NXPE2: variants seen among roughly 807,000 people sequenced by gnomAD.
NXPE2 encodes neurexophilin and PC-esterase domain family member 2.
In NXPE2, 34 loss-of-function variants were observed where a neutral mutation model predicts 34.4. That is an observed-to-expected ratio of 0.99 (90% confidence interval 0.75 to 1.31). The LOEUF (loss-of-function observed/expected upper bound fraction) is 1.31. Among genes scored for constraint, NXPE2 ranks in the 40% most tolerant of loss-of-function variants. The pLI is 0.00. For synonymous variants in NXPE2, 235 were observed against 231.3 expected (o/e 1.02, Z -0.15); for missense variants, 649 against 672.5 (o/e 0.97, Z 0.39).
the NXPE2 span, among the ~76,000 whole-genome samples, chr11:114,813,120 C>T: frequency 2.4e-3 from 362 of 152,290 alleles, no homozygotes; most frequent in African/African-American, 8.4e-3. Flanking sequence ...TTGCTGCACT[C>T]ATCACAGGAA....
At chr11:114,760,307 C>A in the NXPE2 span, among the ~76,000 whole-genome samples, 2 of 152,178 alleles carry the variant, frequency 1.3e-5, no homozygotes, top group Non-Finnish European at 2.9e-5. Context: ...CTATGAGGAA[C>A]AGGCCTTCAC....
the NXPE2 span, among the ~76,000 whole-genome samples, chr11:114,635,086 C>A: frequency 6.6e-6 from 1 of 151,704 alleles, no homozygotes; most frequent in Admixed American, 6.6e-5. Context: ...TTGATTCTTC[C>A]TACCCATGAG....
At chr11:114,560,648 C>T in the NXPE2 span, among the ~76,000 whole-genome samples, 1 of 152,124 alleles carries the variant, frequency 6.6e-6, no homozygotes, top group Non-Finnish European at 1.5e-5. Context: ...GGATATGGTT[C>T]ATTAACTCGT....
chr11:114,650,549 C>T, the NXPE2 span, among the ~76,000 whole-genome samples: 3 of 152,102 alleles, frequency 2.0e-5, no homozygotes, highest in Non-Finnish European at 4.4e-5. Flanking sequence ...AGGGCAAGTA[C>T]TGTTCTCCTT....
At chr11:114,513,124 A>T in the NXPE2 span, 1 of 550,124 alleles carries the variant, frequency 1.8e-6, no homozygotes, top group Admixed American at 1.9e-5. Context: ...TCAGGGCTGG[A>T]GAGGACATCC....
intron 2 of NXPE2, among the ~76,000 whole-genome samples, chr11:114,690,049 CTA>C (rs1329187922): frequency 6.6e-6 from 1 of 152,050 alleles, no homozygotes; most frequent in Non-Finnish European, 1.5e-5. Context: ...GTTTGCCACT[CTA>C]TGTCTTTTAA....
At chr11:114,684,223 C>T (rs900824438) in intron 2 of NXPE2, among the ~76,000 whole-genome samples, 13 of 151,986 alleles carry the variant, frequency 8.6e-5, no homozygotes, top group Non-Finnish European at 1.8e-4. Flanking sequence ...GTCAGGAGAT[C>T]GAGACCATCC....
At chr11:114,650,605 A>T in the NXPE2 span, among the ~76,000 whole-genome samples, 1 of 152,162 alleles carries the variant, frequency 6.6e-6, no homozygotes, top group Non-Finnish European at 1.5e-5. Flanking sequence ...GAGGAGGTGG[A>T]AGAATAAGAC....
chr11:114,531,769 C>A, the NXPE2 span, among the ~76,000 whole-genome samples: 4 of 152,150 alleles, frequency 2.6e-5, no homozygotes, highest in Admixed American at 2.6e-4. Flanking sequence ...CCTGAATTCC[C>A]CCAAACCACC....
the NXPE2 span, among the ~76,000 whole-genome samples, chr11:114,558,059 A>T: frequency 6.6e-6 from 1 of 151,990 alleles, no homozygotes. Context: ...TTGCTCTCTG[A>T]CGCTTAACAG....
At chr11:114,490,451 A>G in the NXPE2 span, among the ~76,000 whole-genome samples, 2 of 152,234 alleles carry the variant, frequency 1.3e-5, no homozygotes, top group African/African-American at 4.8e-5. Context: ...ACTTAAAGCT[A>G]TACTACAAGG....
chr11:114,466,358 T>C, the NXPE2 span, among the ~76,000 whole-genome samples: 101 of 152,318 alleles, frequency 6.6e-4, no homozygotes, highest in Admixed American at 1.4e-3. Context: ...ATAATGATAT[T>C]ACAGAATAGA....
At chr11:114,553,128 C>T in the NXPE2 span, among the ~76,000 whole-genome samples, 1 of 152,174 alleles carries the variant, frequency 6.6e-6, no homozygotes, top group African/African-American at 2.4e-5. Flanking sequence ...TGGGTTTGAG[C>T]TTTAATGCCA....
At chr11:114,488,929 T>A in the NXPE2 span, among the ~76,000 whole-genome samples, 1 of 152,064 alleles carries the variant, frequency 6.6e-6, no homozygotes, top group African/African-American at 2.4e-5. Context: ...AGCTGGTTTT[T>A]TGAAAAGATC....
chr11:114,597,835 A>G, the NXPE2 span, among the ~76,000 whole-genome samples: 1 of 152,120 alleles, frequency 6.6e-6, no homozygotes, highest in African/African-American at 2.4e-5. Flanking sequence ...ATAAATAACA[A>G]TTGTTTTGGA....
chr11:114,754,551 TG>T, the NXPE2 span, among the ~76,000 whole-genome samples: 1 of 152,190 alleles, frequency 6.6e-6, no homozygotes, highest in African/African-American at 2.4e-5. Context: ...AGAGCCATGG[TG>T]GACTGGCTGG....
At chr11:114,742,636 T>TTGC in the NXPE2 span, among the ~76,000 whole-genome samples, 2 of 151,464 alleles carry the variant, frequency 1.3e-5, no homozygotes, top group Non-Finnish European at 2.9e-5. Context: ...TTTTTTTTTT[T>TTGC]GCCCTAACAC....
At chr11:114,607,311 G>C in the NXPE2 span, among the ~76,000 whole-genome samples, 6 of 151,772 alleles carry the variant, frequency 4.0e-5, no homozygotes, top group Non-Finnish European at 7.4e-5. Context: ...TGCCTCGTGG[G>C]TCACCATTGT....
the NXPE2 span, chr11:114,521,896 A>C: frequency 1.7e-6 from 2 of 1,199,680 alleles, no homozygotes; most frequent in African/African-American, 3.1e-5. Flanking sequence ...AAATGAGTAA[A>C]ACTTACTTTA....
Sources: gnomAD v4.1 joint callset for allele counts (sites outside exome capture counted in the v4.1 genomes callset) on GRCh38, gnomAD v4.1.1 for gene constraint, MANE v1.5 for transcripts, NCBI Gene and HGNC (gene_info 2026-07-23, HGNC 2026-07-21) for gene names.